RANBP2: variants seen among roughly 807,000 people sequenced by gnomAD.
RANBP2 encodes RAN binding protein 2, also known as E3 SUMO-protein ligase RanBP2.
In RANBP2, 57 loss-of-function variants were observed where a neutral mutation model predicts 303.6. The ratio of observed to expected loss-of-function variants is 0.19; its 90% CI spans 0.15 to 0.23. RANBP2 has a LOEUF of 0.23. RANBP2 is among the 10% of genes least tolerant of loss of function. RANBP2 has a pLI of 1.00. For missense variants in RANBP2, 3,138 were observed against 3,780.8 expected (o/e 0.83, Z 4.46); for synonymous variants, 1,167 against 1,301.5 (o/e 0.90, Z 2.23).
At chr2:109,211,096 A>G in the RANBP2 span, among the ~76,000 whole-genome samples, 1 of 152,122 alleles carries the variant, frequency 6.6e-6, no homozygotes, top group African/African-American at 2.4e-5. Flanking sequence ...TAATATGCCC[A>G]TTTATGTGTG....
the RANBP2 span, chr2:109,732,814 G>A: frequency 5.7e-6 from 7 of 1,237,650 alleles, no homozygotes; most frequent in South Asian, 8.4e-5. Context: ...TCTGAAGTGT[G>A]TGGGTTGCTA....
chr2:109,732,908 C>A, the RANBP2 span: 3 of 816,796 alleles, frequency 3.7e-6, no homozygotes, highest in Admixed American at 1.8e-5. Flanking sequence ...TGGAAGAACA[C>A]TATGTGGCCC....
chr2:109,207,723 A>C, the RANBP2 span, among the ~76,000 whole-genome samples: 1 of 152,200 alleles, frequency 6.6e-6, no homozygotes, highest in Admixed American at 6.5e-5. Flanking sequence ...AGGAAGACTT[A>C]CCTGAGACTG....
At chr2:109,394,752 C>T in the RANBP2 span, among the ~76,000 whole-genome samples, 1 of 152,148 alleles carries the variant, frequency 6.6e-6, no homozygotes, top group Non-Finnish European at 1.5e-5. Context: ...TTCCAGATGG[C>T]ACCTTGGTGG....
the RANBP2 span, among the ~76,000 whole-genome samples, chr2:109,589,595 T>A: frequency 3.3e-5 from 5 of 151,832 alleles, no homozygotes; most frequent in South Asian, 1.0e-3. Flanking sequence ...ACAGCTAAAA[T>A]TAAAAGGCTG....
chr2:109,478,247 C>T, the RANBP2 span, among the ~76,000 whole-genome samples: 14 of 152,240 alleles, frequency 9.2e-5, no homozygotes, highest in Non-Finnish European at 1.9e-4. Flanking sequence ...TTCCTTCTCT[C>T]TCTCAGTTCC....
At chr2:109,486,841 C>A in the RANBP2 span, among the ~76,000 whole-genome samples, 9 of 152,182 alleles carry the variant, frequency 5.9e-5, no homozygotes, top group African/African-American at 1.7e-4. Flanking sequence ...GAGGAAGGAC[C>A]AGTGCACCTT....
chr2:109,619,932 CTTG>C, the RANBP2 span, among the ~76,000 whole-genome samples: 1 of 152,136 alleles, frequency 6.6e-6, no homozygotes, highest in South Asian at 2.1e-4. Flanking sequence ...TCTACAGAAA[CTTG>C]TTTCTCAAGA....
At chr2:109,432,575 TC>T in the RANBP2 span, 1 of 1,613,596 alleles carries the variant, frequency 6.2e-7, no homozygotes, top group Non-Finnish European at 8.5e-7. Flanking sequence ...ATGTACCGGG[TC>T]CTCGAGAAGT....
chr2:109,722,677 C>A, the RANBP2 span, among the ~76,000 whole-genome samples: 1 of 152,184 alleles, frequency 6.6e-6, no homozygotes, highest in African/African-American at 2.4e-5. Context: ...TTGTTCCCCA[C>A]CATGTGTCCT....
chr2:108,937,620 GTGTC>G, the RANBP2 span, among the ~76,000 whole-genome samples: 37 of 80,724 alleles, frequency 4.6e-4, no homozygotes, highest in African/African-American at 8.9e-4. Flanking sequence ...ATGTGTGTGA[GTGTC>G]TGTATGTTTA....
chr2:108,752,026 A>G, intron 12 of RANBP2, 32 bp downstream of exon 12: 19 of 1,607,058 alleles, frequency 1.2e-5, no homozygotes, highest in Non-Finnish European at 1.6e-5. Flanking sequence ...TTTTTAAAGA[A>G]CATTACCTTA....
At chr2:109,669,792 A>C in the RANBP2 span, among the ~76,000 whole-genome samples, 4,215 of 152,150 alleles carry the variant, frequency 0.028, 227 homozygotes, top group African/African-American at 0.096. Context: ...GGAGGTGAGA[A>C]CCTTGATAGT....
At chr2:108,811,580 T>A in the RANBP2 span, among the ~76,000 whole-genome samples, 2 of 152,064 alleles carry the variant, frequency 1.3e-5, no homozygotes, top group African/African-American at 4.8e-5. Flanking sequence ...GTTTGTTGGT[T>A]TTTTTATTTT....
the RANBP2 span, among the ~76,000 whole-genome samples, chr2:109,398,243 C>T: frequency 6.6e-6 from 1 of 152,182 alleles, no homozygotes. Flanking sequence ...GGCTTCCTTC[C>T]CATCTTGTCC....
the RANBP2 span, among the ~76,000 whole-genome samples, chr2:109,488,594 C>A: frequency 6.6e-6 from 1 of 152,212 alleles, no homozygotes; most frequent in Non-Finnish European, 1.5e-5. Context: ...TGCCCCCGAC[C>A]CCTCACGGTT....
the RANBP2 span, among the ~76,000 whole-genome samples, chr2:108,839,848 A>T: frequency 1.3e-5 from 2 of 151,390 alleles, no homozygotes; most frequent in South Asian, 4.2e-4. Context: ...TTTGATATGT[A>T]TGCCTTTAAT....
At chr2:109,284,593 T>A in the RANBP2 span, among the ~76,000 whole-genome samples, 1 of 152,218 alleles carries the variant, frequency 6.6e-6, no homozygotes, top group Non-Finnish European at 1.5e-5. Context: ...TTTGGCTGGA[T>A]GAAGGGCATA....
intron 25 of RANBP2, among the ~76,000 whole-genome samples, chr2:108,778,687 T>G (rs907807420): frequency 6.6e-6 from 1 of 152,194 alleles, no homozygotes; most frequent in Non-Finnish European, 1.5e-5. Context: ...GGTTATTTTT[T>G]AAATTTTTGC....
Sources: allele counts gnomAD v4.1 joint callset (sites outside exome capture counted in the v4.1 genomes callset), GRCh38; gene constraint gnomAD v4.1.1; transcripts MANE v1.5; gene names NCBI Gene and HGNC (gene_info 2026-07-23, HGNC 2026-07-21).